Variants in CTBP1 observed in about 807,000 individuals in gnomAD.
CTBP1 encodes the protein C-terminal binding protein 1.
Under a neutral mutation model 42.1 loss-of-function variants are expected in CTBP1, and 11 were observed. That is an observed-to-expected ratio of 0.26 (90% CI 0.16 to 0.43). The LOEUF (loss-of-function observed/expected upper bound fraction) is 0.43, where lower values mean the gene tolerates loss of function less well. CTBP1 is among the 20% of genes least tolerant of loss of function. The pLI, the probability that CTBP1 is intolerant of heterozygous loss-of-function variation, is 1.00. For synonymous variants in CTBP1, 324 were observed against 277.1 expected, an observed-to-expected ratio of 1.17 and a Z score of -1.68; for missense variants, 399 against 624.3, an observed-to-expected ratio of 0.64 and a Z score of 3.85.
At chr4:1,248,173 C>G (rs1043291803) in intron 1 of CTBP1, among the ~76,000 whole-genome samples, 5 of 151,984 alleles carry the variant, frequency 3.3e-5, no homozygotes, top group African/African-American at 1.2e-4. Context: ...TCCCTGCTTC[C>G]GCGGCCGCAG....
At chr4:1,242,399 A>C (rs908208152) in intron 1 of CTBP1, 1 of 985,222 alleles carries the variant, frequency 1.0e-6, no homozygotes, top group Admixed American at 6.1e-5. Flanking sequence ...GCAGCATGGC[A>C]GGCGTGGGCT....
intron 3 of CTBP1, among the ~76,000 whole-genome samples, chr4:1,228,858 G>A (rs1184958956): frequency 6.6e-6 from 1 of 152,224 alleles, no homozygotes; most frequent in Non-Finnish European, 1.5e-5. Flanking sequence ...CGTCGGCGGA[G>A]GCAGGCAGAC....
intron 5 of CTBP1, among the ~76,000 whole-genome samples, chr4:1,219,150 A>T (rs1176972169): frequency 6.6e-6 from 1 of 152,168 alleles, no homozygotes; most frequent in Non-Finnish European, 1.5e-5. Context: ...TGAGCAACAC[A>T]GCAAGACTTT....
Position 1,238,636 on chromosome 4 carries a change from TC to T in CTBP1, c.8-300del, listed in dbSNP as rs1731830522. Among the ~76,000 whole-genome samples the T allele has an allele frequency of 7.2e-6, 1 of 139,614 alleles. No individual in the cohort carries two copies. The highest frequency in any genetic ancestry group is 7.1e-5 in the Admixed American group (1 of 14,030). The allele number at this position is 139,614 out of a possible 152,430, so 91.6% of individuals were successfully genotyped here. On this transcript the variant is annotated intron_variant, in intron 2 of 9. Transcript: ENST00000382952. The surrounding 1 kb of genome is among the most constrained non-coding windows in gnomAD (Gnocchi z 5.9). ...GAGACCCTCCAAGGCCCCTCCGAGA[TC>T]CTCCCAGACCCTCTGAGACCCTCTC...
rs914358719 is a variant in CTBP1 at position 1,211,775 on chromosome 4, T to C, written c.*465A>G. On this transcript the variant is annotated 3_prime_UTR_variant, in exon 10 of 10. Coordinates refer to ENST00000382952, the MANE Select transcript of CTBP1 (RefSeq NM_001012614.2). ...TAAGACAAGCAGGTAGAAAAAACAA[T>C]GCACTGTGTGGCATAAAAAGAAAAA... The C allele has an allele frequency of 6.6e-6, 1 of 152,138 alleles. No homozygotes were observed. The highest frequency in any genetic ancestry group is 2.4e-5 in the African/African-American group (1 of 40,984). 9.4% of individuals were successfully genotyped at this position (152,138 alleles called of 1,614,324 possible).
chr4:1,222,309 A>C (rs1457273591), intron 5 of CTBP1, among the ~76,000 whole-genome samples: 2 of 147,410 alleles, frequency 1.4e-5, no homozygotes, highest in African/African-American at 4.9e-5. Flanking sequence ...CTGCAGCGTC[A>C]GGGGGCTCGT....
At chr4:1,214,227 G>C (rs1169388696) in intron 7 of CTBP1, 116 bp downstream of exon 7, 1 of 1,317,518 alleles carries the variant, frequency 7.6e-7, no homozygotes, top group African/African-American at 1.5e-5. Context: ...CTGCTGGCCA[G>C]CGAGAGGCCT....
chr4:1,249,062 C>G lies in CTBP1; in HGVS notation c.-335G>C. 1 of 407,426 alleles carries G rather than the reference C, an allele frequency of 2.5e-6. No individual in the cohort carries two copies. The highest frequency in any genetic ancestry group is 3.3e-6 in the Non-Finnish European group (1 of 304,854). The allele number at this position is 407,426 out of a possible 1,614,324, so 25.2% of individuals were successfully genotyped here. A position where few individuals can be genotyped will look rare whatever the true frequency, so the allele number is the denominator to read the frequency against. On this transcript the variant is annotated 5_prime_UTR_variant, in exon 1 of 10. Transcript: ENST00000382952. ...GCCGTCCGCTGCTCCGCCCGCCCGC[C>G]TGCGCCTGGCCGCCGCCGTGCCGAG...
In CTBP1 at chr4:1,245,662, C is replaced by T. The variant is rs577085621; in HGVS notation, c.-189+3254G>A. On this transcript the variant is annotated intron_variant, in intron 1 of 9. Coordinates refer to ENST00000382952, the MANE Select transcript of CTBP1 (RefSeq NM_001012614.2). Reference sequence around the variant, plus strand: ...GCATGGACGGGCAGGGTGACACGGGCGGCAGGGCAGGGTGGCACGGGTGGG... The same window carrying T: ...GCATGGACGGGCAGGGTGACACGGGTGGCAGGGCAGGGTGGCACGGGTGGG... The T allele has an allele frequency of 2.8e-4, 278 of 982,824 alleles. No homozygotes were observed. The African/African-American group carries it at 3.6e-3, about 13-fold the overall frequency. 60.9% of individuals were successfully genotyped at this position (982,824 alleles called of 1,614,324 possible). A position where few individuals can be genotyped will look rare whatever the true frequency, so the allele number is the denominator to read the frequency against.
intron 9 of CTBP1, 117 bp downstream of exon 9, chr4:1,212,796 C>G (rs913932591): frequency 3.4e-6 from 3 of 878,106 alleles, no homozygotes; most frequent in Non-Finnish European, 5.4e-6. Flanking sequence ...CCAATTCTAC[C>G]CAGATCCTCC....
chr4:1,243,192 T>C, intron 1 of CTBP1: 1 of 985,412 alleles, frequency 1.0e-6, no homozygotes, highest in Non-Finnish European at 1.2e-6. Context: ...TGGAGGATCA[T>C]CGATACCCAT....
chr4:1,246,767 G>A (rs535596699), intron 1 of CTBP1, among the ~76,000 whole-genome samples: 1 of 152,342 alleles, frequency 6.6e-6, no homozygotes, highest in South Asian at 2.1e-4. Context: ...AAGCCCCGAG[G>A]GAAGAGACTG....
At chr4:1,217,335 A>G (rs1337460202) in intron 5 of CTBP1, 1 of 152,436 alleles carries the variant, frequency 6.6e-6, no homozygotes, top group Non-Finnish European at 1.5e-5. Flanking sequence ...GGCTCCTTCC[A>G]TCCCCAGGGA....
chr4:1,239,998 G>A (rs1731995368), intron 2 of CTBP1, among the ~76,000 whole-genome samples: 1 of 152,250 alleles, frequency 6.6e-6, no homozygotes, highest in South Asian at 2.1e-4. Context: ...GAGCAGAAAG[G>A]TTTATGTTGC....
chr4:1,243,872 C>A (rs750328513), intron 1 of CTBP1: 3 of 985,468 alleles, frequency 3.0e-6, no homozygotes, highest in Non-Finnish European at 2.4e-6. Flanking sequence ...CCCAGCGACA[C>A]GAGGACAGTC....
intron 5 of CTBP1, among the ~76,000 whole-genome samples, chr4:1,220,695 C>G (rs539932454): frequency 1.4e-4 from 22 of 152,392 alleles, no homozygotes; most frequent in African/African-American, 5.3e-4. Flanking sequence ...CGGACCCACT[C>G]ACATGTGGCC....
rs1728816984 is a variant in CTBP1 at position 1,213,899 on chromosome 4, G to T, written c.861-294C>A. On this transcript the variant is annotated intron_variant, in intron 7 of 9. Coordinates refer to ENST00000382952, the MANE Select transcript of CTBP1 (RefSeq NM_001012614.2). ...GCTGCCTGGCCCCTTCCAGCCAAAG[G>T]GTCTGTAGCCCCAGGAGCTGCAGGC... The T allele has an allele frequency of 1.1e-5, 5 of 445,470 alleles. No homozygotes were observed. In the South Asian group the frequency reaches 1.7e-4, roughly 16 times the overall value. The allele number at this position is 445,470 out of a possible 1,614,324, so 27.6% of individuals were successfully genotyped here. A position where few individuals can be genotyped will look rare whatever the true frequency, so the allele number is the denominator to read the frequency against.
intron 1 of CTBP1, chr4:1,245,263 G>A (rs1466077366): frequency 4.1e-6 from 4 of 985,330 alleles, no homozygotes; most frequent in Non-Finnish European, 4.8e-6. Flanking sequence ...GTGATCAAAG[G>A]CATGGATTTG....
At chr4:1,236,435 A>T (rs1577064267) in intron 3 of CTBP1, 2 of 567,372 alleles carry the variant, frequency 3.5e-6, no homozygotes. Context: ...GGGCCGGGGG[A>T]AGCACCTTAC....
Sources: allele counts gnomAD v4.1 joint callset (sites outside exome capture counted in the v4.1 genomes callset), GRCh38; gene constraint gnomAD v4.1.1; non-coding constraint Gnocchi (gnomAD v3.1); transcripts MANE v1.5; gene names NCBI Gene and HGNC (gene_info 2026-07-23, HGNC 2026-07-21).